Variants in NXPE2 observed in about 807,000 individuals in gnomAD.
NXPE2 encodes neurexophilin and PC-esterase domain family member 2.
In NXPE2, 34 loss-of-function variants were observed where a neutral mutation model predicts 34.4. The ratio of observed to expected loss-of-function variants is 0.99; its 90% CI spans 0.75 to 1.31. NXPE2 has a LOEUF of 1.31. NXPE2 is among the 40% of genes most tolerant of loss of function. The pLI is 0.00. For synonymous variants in NXPE2, 235 were observed against 231.3 expected, an observed-to-expected ratio of 1.02 and a Z score of -0.15; for missense variants, 649 against 672.5, an observed-to-expected ratio of 0.97 and a Z score of 0.39.
chr11:114,650,341 C>A, the NXPE2 span, among the ~76,000 whole-genome samples: 1 of 152,118 alleles, frequency 6.6e-6, no homozygotes, highest in Non-Finnish European at 1.5e-5. Flanking sequence ...GCTGGGATCA[C>A]CAGAAAAGAG....
chr11:114,582,929 C>G, the NXPE2 span: 1 of 1,614,018 alleles, frequency 6.2e-7, no homozygotes, highest in African/African-American at 1.3e-5. Flanking sequence ...CTGTTAGTGG[C>G]TTTAATGATA....
At chr11:114,615,753 G>A in the NXPE2 span, among the ~76,000 whole-genome samples, 1 of 151,466 alleles carries the variant, frequency 6.6e-6, no homozygotes, top group Non-Finnish European at 1.5e-5. Context: ...TTACTCAGTG[G>A]ATAATAAGTA....
chr11:114,705,044 A>G (rs938975500), intron 4 of NXPE2, among the ~76,000 whole-genome samples: 5 of 152,200 alleles, frequency 3.3e-5, no homozygotes, highest in African/African-American at 7.2e-5. Context: ...TATCCCAACA[A>G]TGCAGGTAGA....
the NXPE2 span, among the ~76,000 whole-genome samples, chr11:114,642,245 A>G: frequency 6.6e-6 from 1 of 152,014 alleles, no homozygotes; most frequent in Non-Finnish European, 1.5e-5. Context: ...TCTAACAATG[A>G]GAAAAACACC....
chr11:114,739,408 C>CTCCTTCCCTTCTTCCCTCGT, the NXPE2 span, among the ~76,000 whole-genome samples: 20 of 137,420 alleles, frequency 1.5e-4, no homozygotes, highest in African/African-American at 2.7e-5. Context: ...CCCTCCCTCG[C>CTCCTTCCCTTCTTCCCTCGT]TCCTTCCCTT....
the NXPE2 span, among the ~76,000 whole-genome samples, chr11:114,538,739 A>G: frequency 5.3e-5 from 8 of 152,236 alleles, no homozygotes; most frequent in South Asian, 2.1e-4. Context: ...ATGAGATACC[A>G]TCTCACACCA....
chr11:114,771,659 T>C, the NXPE2 span, among the ~76,000 whole-genome samples: 1 of 152,188 alleles, frequency 6.6e-6, no homozygotes, highest in Non-Finnish European at 1.5e-5. Flanking sequence ...CACCCTTTGC[T>C]CTGAGTGCCT....
chr11:114,633,800 T>G, the NXPE2 span, among the ~76,000 whole-genome samples: 1 of 151,980 alleles, frequency 6.6e-6, no homozygotes, highest in Admixed American at 6.6e-5. Context: ...GAACTCACCA[T>G]TTTTTATGGC....
At chr11:114,617,321 T>C in the NXPE2 span, among the ~76,000 whole-genome samples, 2 of 152,106 alleles carry the variant, frequency 1.3e-5, no homozygotes, top group Admixed American at 1.3e-4. Flanking sequence ...TTTTGCCTCG[T>C]GGGTAACCAC....
At chr11:114,765,721 G>T in the NXPE2 span, among the ~76,000 whole-genome samples, 3 of 152,018 alleles carry the variant, frequency 2.0e-5, no homozygotes, top group African/African-American at 7.2e-5. Context: ...CCTGATTTGG[G>T]GGGTTCTCCT....
the NXPE2 span, among the ~76,000 whole-genome samples, chr11:114,658,347 A>G: frequency 6.6e-6 from 1 of 152,198 alleles, no homozygotes; most frequent in African/African-American, 2.4e-5. Context: ...GGCTAGTATG[A>G]GAGTATAGAA....
At chr11:114,645,052 A>T in the NXPE2 span, among the ~76,000 whole-genome samples, 1 of 152,148 alleles carries the variant, frequency 6.6e-6, no homozygotes, top group South Asian at 2.1e-4. Flanking sequence ...CTGTAATCTC[A>T]GCACTTTGGG....
the NXPE2 span, among the ~76,000 whole-genome samples, chr11:114,719,655 G>T: frequency 6.6e-6 from 1 of 152,256 alleles, no homozygotes; most frequent in Non-Finnish European, 1.5e-5. Context: ...AGAAGCAGCT[G>T]TCGCCAGCCT....
At chr11:114,656,133 C>A in the NXPE2 span, among the ~76,000 whole-genome samples, 1 of 151,980 alleles carries the variant, frequency 6.6e-6, no homozygotes, top group Non-Finnish European at 1.5e-5. Flanking sequence ...TTTTCACCAA[C>A]AAAAGGCAAG....
the NXPE2 span, among the ~76,000 whole-genome samples, chr11:114,577,200 T>C: frequency 6.7e-6 from 1 of 148,896 alleles, no homozygotes; most frequent in Non-Finnish European, 1.5e-5. Context: ...ACACACACAC[T>C]GTGGAATACT....
the NXPE2 span, chr11:114,529,007 C>A: frequency 2.4e-6 from 1 of 409,460 alleles, no homozygotes; most frequent in Non-Finnish European, 4.3e-6. Context: ...GATCAGGAGC[C>A]AAAACTTGGA....
At chr11:114,539,823 A>G in the NXPE2 span, among the ~76,000 whole-genome samples, 1 of 152,204 alleles carries the variant, frequency 6.6e-6, no homozygotes, top group African/African-American at 2.4e-5. Context: ...GAAGTTTATT[A>G]TAGGTTAATG....
chr11:114,595,335 T>C, the NXPE2 span, among the ~76,000 whole-genome samples: 1 of 152,204 alleles, frequency 6.6e-6, no homozygotes, highest in Non-Finnish European at 1.5e-5. Flanking sequence ...TTTATCAGTA[T>C]TTTTCCATGA....
the NXPE2 span, among the ~76,000 whole-genome samples, chr11:114,764,708 C>T: frequency 6.6e-6 from 1 of 152,154 alleles, no homozygotes; most frequent in Admixed American, 6.5e-5. Flanking sequence ...ATACTAACCT[C>T]AGGAGGCAAC....
Sources: allele counts gnomAD v4.1 joint callset (sites outside exome capture counted in the v4.1 genomes callset), GRCh38; gene constraint gnomAD v4.1.1; transcripts MANE v1.5; gene names NCBI Gene and HGNC (gene_info 2026-07-23, HGNC 2026-07-21).